The following TRANK1 variants were observed in gnomAD, a reference collection of about 807,000 sequenced individuals.
The protein encoded by TRANK1 is TPR and ankyrin repeat-containing protein 1.
TRANK1 carries 198 observed loss-of-function variants against 266.0 expected under a neutral mutation model. The ratio of observed to expected loss-of-function variants is 0.74; its 90% CI spans 0.66 to 0.84. The LOEUF (loss-of-function observed/expected upper bound fraction) is 0.84. TRANK1 is among the 40% of genes least tolerant of loss of function. The pLI is 0.00. For missense variants in TRANK1, 3,326 were observed against 3,634.6 expected (o/e 0.92, Z 2.18); for synonymous variants, 1,396 against 1,384.1 (o/e 1.01, Z -0.19).
In TRANK1 at chr3:36,833,509, T is replaced by C. The variant is rs2078726593; in HGVS notation, c.6074A>G (p.Gln2025Arg). 6.2e-7 allele frequency: 1 copy of C among 1,613,912 alleles called. No individual in the cohort carries two copies. The highest frequency in any genetic ancestry group is 8.5e-7 in the Non-Finnish European group (1 of 1,179,796). Residue 2025 changes from glutamine to arginine, a missense_variant, in exon 22 of 24, where the codon CAG (glutamine) becomes CGG (arginine). By Grantham distance (43) the Gln-to-Arg change is conservative. Transcript: ENST00000645898. ...GTGGGCCTCCGCAATGCCAGACAAC[T>C]GGCCAGTTTGATAGCAGATATCAAG... ...EALDICYQTG[Q>R]LSGIAEAHFL... is the part of the protein sequence containing the mutation.
At position 36,879,743 on chromosome 3, in the gene TRANK1, AATATATAAAT is replaced by A. The variant is rs1207332782; in HGVS notation, c.908-5457_908-5448del. Among the ~76,000 whole-genome samples, 201 of 105,318 alleles carry A rather than the reference AATATATAAAT, an allele frequency of 1.9e-3. 37 individuals carry two copies. Among genetic ancestry groups the A allele is most frequent in the Middle Eastern group, 7.1e-3 (1 of 140 alleles). 69.1% of individuals were successfully genotyped at this position (105,318 alleles called of 152,430 possible). A position where few individuals can be genotyped will look rare whatever the true frequency, so the allele number is the denominator to read the frequency against. ...ATATATAAATATATATAAATATACA[AATATATAAAT>A]ATATATAAATATATATAAATATATA... On this transcript the variant is annotated intron_variant, in intron 8 of 23. Coordinates refer to ENST00000645898, the MANE Select transcript of TRANK1 (RefSeq NM_001329998.2).
intron 8 of TRANK1, among the ~76,000 whole-genome samples, chr3:36,889,130 A>G (rs776543540): frequency 1.2e-4 from 19 of 152,212 alleles, no homozygotes; most frequent in Non-Finnish European, 2.5e-4. Flanking sequence ...AGGCTGCAGC[A>G]GCACGAGGCA....
In TRANK1 at chr3:36,833,277, G is replaced by A. The variant is rs2078722268; in HGVS notation, c.6306C>T (p.Thr2102=). The change falls in exon 22 of 24, where the codon ACC becomes ACT. Residue 2102 remains threonine (T), a synonymous_variant. Transcript: ENST00000645898. ...TGACCATTTCCTTCTCAGCATTGTT[G>A]GTCACTCTTTTGAGAGCCCTGACCA... The part of the protein sequence containing the change: ...LSLVRALKRV[T]NNAEKEMVKS... 6.2e-7 allele frequency: 1 copy of A among 1,613,924 alleles called. No homozygotes were observed. The highest frequency in any genetic ancestry group is 8.5e-7 in the Non-Finnish European group (1 of 1,179,888).
chr3:36,833,727 A>T lies in TRANK1; in HGVS notation c.5856T>A (p.Ala1952=). 6.2e-7 allele frequency: 1 copy of T among 1,614,006 alleles called. No individual in the cohort carries two copies. Among genetic ancestry groups the T allele is most frequent in the Non-Finnish European group, 8.5e-7 (1 of 1,179,880 alleles). Residue 1952 remains alanine (A), a synonymous_variant, in exon 22 of 24, where the codon GCT becomes GCA. Coordinates refer to ENST00000645898, the MANE Select transcript of TRANK1 (RefSeq NM_001329998.2). ...FLKSRKRLAE[A]ADLLNREGRR... is the part of the protein sequence containing the mutation. Reference sequence around the variant, plus strand: ...TACCTTCCCTGTTCAGCAGGTCTGCAGCTTCTGCTAAGCGTTTCCGAGACT... The same window carrying T: ...TACCTTCCCTGTTCAGCAGGTCTGCTGCTTCTGCTAAGCGTTTCCGAGACT...
intron 4 of TRANK1, among the ~76,000 whole-genome samples, chr3:36,898,285 C>A (rs569677934): frequency 3.3e-5 from 5 of 151,952 alleles, no homozygotes; most frequent in Admixed American, 2.6e-4. Flanking sequence ...CCCATTTCTA[C>A]TAAAAATACA....
intron 9 of TRANK1, among the ~76,000 whole-genome samples, chr3:36,873,538 T>C (rs1434499404): frequency 2.0e-5 from 3 of 152,194 alleles, no homozygotes; most frequent in Non-Finnish European, 4.4e-5. Flanking sequence ...TATACTACCA[T>C]GCAAATGTCA....
Position 36,857,605 on chromosome 3 carries a change from C to T in TRANK1, c.2117G>A (p.Ser706Asn). ...TLPEGSAVPDSWETLPGTQVT... is the reference protein window; with the variant it reads ...TLPEGSAVPDNWETLPGTQVT... ...CTGGGTACCTGGGAGAGTCTCCCAGCTGTCAGGGACTGCACTTCCTTCAGG... is the reference window on the plus strand; with the variant it reads ...CTGGGTACCTGGGAGAGTCTCCCAGTTGTCAGGGACTGCACTTCCTTCAGG... Residue 706 changes from serine (S) to asparagine (N), a missense_variant, in exon 13 of 24, where the codon AGC (serine) becomes AAC (asparagine). Transcript: ENST00000645898. The surrounding 1 kb of genome is among the most constrained non-coding windows in gnomAD (Gnocchi z 4.3). 1 of 1,614,058 alleles carries T rather than the reference C, an allele frequency of 6.2e-7. No individual in the cohort carries two copies. The highest frequency in any genetic ancestry group is 8.5e-7 in the Non-Finnish European group (1 of 1,179,900).
At chr3:36,855,033 A>G in intron 13 of TRANK1, 140 bp downstream of exon 13, 1 of 719,592 alleles carries the variant, frequency 1.4e-6, no homozygotes, top group Non-Finnish European at 2.2e-6. Context: ...CTTGTCCATG[A>G]GCGTATTTAC....
chr3:36,875,817 T>C (rs1026018741), intron 8 of TRANK1, among the ~76,000 whole-genome samples: 63 of 152,254 alleles, frequency 4.1e-4, no homozygotes, highest in Non-Finnish European at 1.5e-4. Flanking sequence ...ACTATATTTA[T>C]GTTGTTTTGA....
At chr3:36,829,214 C>T (rs556865033) in intron 23 of TRANK1, among the ~76,000 whole-genome samples, 3 of 152,264 alleles carry the variant, frequency 2.0e-5, no homozygotes, top group East Asian at 1.9e-4. Flanking sequence ...AATGACTGAT[C>T]GACACAGGAA....
chr3:36,917,889 G>C (rs1471798000), intron 1 of TRANK1, among the ~76,000 whole-genome samples: 1 of 152,156 alleles, frequency 6.6e-6, no homozygotes, highest in Non-Finnish European at 1.5e-5. Flanking sequence ...TAGGGGGTGG[G>C]AAGCTAGATT....
rs1436785470 is a variant in TRANK1 at position 36,855,316 on chromosome 3, C to T, written c.4406G>A (p.Ser1469Asn). 5 of 1,614,054 alleles carry T rather than the reference C, an allele frequency of 3.1e-6. No individual in the cohort carries two copies. The highest frequency in any genetic ancestry group is 3.3e-4 in the Middle Eastern group (2 of 6,062). ...SMFLTGDTAQ[S>N]IMKGVAFRFS... ...GCGGAAGGCCACGCCCTTCATGATG[C>T]TCTGGGCCGTGTCCCCCGTGAGGAA... Residue 1469 changes from serine (S) to asparagine (N), a missense_variant, in exon 13 of 24, where the codon AGC becomes AAC. Coordinates refer to ENST00000645898, the MANE Select transcript of TRANK1 (RefSeq NM_001329998.2).
intron 8 of TRANK1, among the ~76,000 whole-genome samples, chr3:36,889,200 T>C (rs1438481604): frequency 6.6e-6 from 1 of 152,170 alleles, no homozygotes; most frequent in Non-Finnish European, 1.5e-5. Flanking sequence ...CCACTGTATG[T>C]TCTTCTCTAT....
intron 1 of TRANK1, among the ~76,000 whole-genome samples, chr3:36,931,422 C>T (rs2080358698): frequency 6.6e-6 from 1 of 152,106 alleles, no homozygotes; most frequent in Non-Finnish European, 1.5e-5. Context: ...TTAATATTTG[C>T]AACCAAGTAC....
intron 1 of TRANK1, among the ~76,000 whole-genome samples, chr3:36,940,761 A>G (rs566525762): frequency 3.2e-4 from 49 of 152,182 alleles, no homozygotes; most frequent in Non-Finnish European, 5.9e-4. Flanking sequence ...TTATATATTT[A>G]CATCCTCCAT....
intron 8 of TRANK1, among the ~76,000 whole-genome samples, chr3:36,874,605 TG>T (rs1358966682): frequency 6.6e-6 from 1 of 152,178 alleles, no homozygotes. Flanking sequence ...CAGTTACAGC[TG>T]TAAGGATAAC....
chr3:36,891,894 A>G (rs1355193791), intron 7 of TRANK1, among the ~76,000 whole-genome samples: 1 of 152,146 alleles, frequency 6.6e-6, no homozygotes, highest in Non-Finnish European at 1.5e-5. Context: ...GTCTCCTGGG[A>G]GTGTTGCCCA....
At chr3:36,846,978 TC>T (rs2078923303) in intron 16 of TRANK1, among the ~76,000 whole-genome samples, 1 of 152,004 alleles carries the variant, frequency 6.6e-6, no homozygotes, top group South Asian at 2.1e-4. Flanking sequence ...CCCTTCTCCT[TC>T]CGTTTTCAGA....
chr3:36,842,616 C>T lies in TRANK1; in HGVS notation c.5280+6G>A. 1 of 1,613,648 alleles carries T rather than the reference C, an allele frequency of 6.2e-7. No homozygotes were observed. The highest frequency in any genetic ancestry group is 1.1e-5 in the South Asian group (1 of 90,936). On this transcript the variant is annotated splice_donor_region_variant and intron_variant, in intron 18 of 23. Coordinates refer to ENST00000645898, the MANE Select transcript of TRANK1 (RefSeq NM_001329998.2). ...GACAAGGACCCCTCCTAGTCCAACC[C>T]CTTACCTTCCAGCACTGGTGCTTGG...
Sources: gnomAD v4.1 joint callset for allele counts (sites outside exome capture counted in the v4.1 genomes callset) on GRCh38, gnomAD v4.1.1 for gene constraint, Gnocchi (gnomAD v3.1) non-coding constraint, MANE v1.5 for transcripts, NCBI Gene and HGNC (gene_info 2026-07-23, HGNC 2026-07-21) for gene names.